DUS3L: variants seen among roughly 807,000 people sequenced by gnomAD.
The protein encoded by DUS3L is dihydrouridine synthase 3 like, also known as tRNA-dihydrouridine(47) synthase [NAD(P)(+)]-like.
In DUS3L, 62 loss-of-function variants were observed where a neutral mutation model predicts 74.6. The observed-to-expected ratio is 0.83, with a 90% CI of 0.68 to 1.03. The LOEUF is 1.03. DUS3L is among the 50% of genes least tolerant of loss of function. DUS3L has a pLI of 0.00. For synonymous variants in DUS3L, 433 were observed against 395.7 expected, an observed-to-expected ratio of 1.09 and a Z score of -1.12; for missense variants, 884 against 924.4, an observed-to-expected ratio of 0.96 and a Z score of 0.57.
intron 5 of DUS3L, 26 bp from the exon 6 acceptor site, chr19:5,787,731 G>A: frequency 6.2e-7 from 1 of 1,608,118 alleles, no homozygotes. Flanking sequence ...GGCAGAACAG[G>A]AGGGTGAGGG....
rs531540150 is a variant in DUS3L at position 5,787,682 on chromosome 19, G to C, written c.1119C>G (p.Thr373=). Residue 373 remains threonine, a synonymous_variant, in exon 6 of 13, where the codon ACC becomes ACG. Transcript: ENST00000309061. ...GVQLEGAFPD[T]MTKCAELLSR... Reference sequence around the variant, plus strand: ...TCAGCAGCTCGGCACACTTGGTCATGGTGTCGGGGAAGGCGCCCTCCAGCT... The same window carrying C: ...TCAGCAGCTCGGCACACTTGGTCATCGTGTCGGGGAAGGCGCCCTCCAGCT... 1.5e-4 allele frequency: 234 copies of C among 1,613,708 alleles called. 3 individuals are homozygous for C. In the South Asian group the frequency reaches 2.4e-3, roughly 17 times the overall value.
In DUS3L at chr19:5,791,048, G is replaced by T; in HGVS notation, c.94C>A (p.Arg32Ser). Residue 32 changes from arginine to serine, a missense_variant, in exon 1 of 13, where the codon CGT becomes AGT. Physicochemically the swap from Arg to Ser is moderately radical, Grantham distance 110. Coordinates refer to ENST00000309061, the MANE Select transcript of DUS3L (RefSeq NM_020175.3). ...ALERGVAPIK[R>S]QYLTTKEQFH... ...CCTCCTGCCCCGGCGACTCACTGAC[G>T]CTTAATGGGCGCCACTCCTCGTTCC... The T allele has an allele frequency of 6.2e-7, 1 of 1,601,048 alleles. No individual in the cohort carries two copies. Among genetic ancestry groups the T allele is most frequent in the Non-Finnish European group, 8.5e-7 (1 of 1,174,268 alleles).
At position 5,785,269 on chromosome 19, in the gene DUS3L, C is replaced by G. The variant is rs1485153512; in HGVS notation, c.1887G>C (p.Met629Ile). 1 of 1,611,102 alleles carries G rather than the reference C, an allele frequency of 6.2e-7. No individual in the cohort carries two copies. Among genetic ancestry groups the G allele is most frequent in the African/African-American group, 1.3e-5 (1 of 74,920 alleles). ...KAADWIRISE[M>I]LLGPVPPSFA... is the part of the protein sequence containing the mutation. ...AGCTGGGGGGCACTGGCCCAAGGAG[C>G]ATCTCGCTGTGGGAGAGCAGGTGGA... Residue 629 changes from methionine to isoleucine, a missense_variant, in exon 13 of 13, where the codon ATG (methionine) becomes ATC (isoleucine). By Grantham distance (10) the Met-to-Ile change is conservative. Transcript: ENST00000309061.
rs576895643 is a variant in DUS3L at position 5,787,030 on chromosome 19, G to A, written c.1389+31C>T. On this transcript the variant is annotated intron_variant, in intron 8 of 12. Transcript: ENST00000309061. ...GAAGGGACGCGGGGTCGACCGCGAG[G>A]CCCCAATGCCCGAGGCGTCCCAAGA... The A allele has an allele frequency of 4.0e-6, 6 of 1,514,206 alleles. No individual in the cohort carries two copies. The Admixed American group carries it at 6.1e-5, about 16-fold the overall frequency. The allele number at this position is 1,514,206 out of a possible 1,614,324, so 93.8% of individuals were successfully genotyped here.
intron 3 of DUS3L, among the ~76,000 whole-genome samples, chr19:5,788,705 CTTTTTT>C (rs942516959): frequency 1.3e-4 from 16 of 127,700 alleles, no homozygotes; most frequent in African/African-American, 4.7e-4. Flanking sequence ...GTGTCCAGCT[CTTTTTT>C]TTTTTTTTTT....
chr19:5,790,349 G>C lies in DUS3L; in HGVS notation c.99-14C>G, dbSNP rs773911212. 7 of 1,613,664 alleles carry C rather than the reference G, an allele frequency of 4.3e-6. No homozygotes were observed. The highest frequency in any genetic ancestry group is 5.9e-6 in the Non-Finnish European group (7 of 1,179,802). ...GTGGTGAGGTATCTGCCGACAGAAA[G>C]GGAAAGGAAAACCCTCCGAACATAG... On this transcript the variant is annotated splice_polypyrimidine_tract_variant and intron_variant, in intron 1 of 12. Transcript: ENST00000309061.
Position 5,790,203 on chromosome 19 carries a change from C to A in DUS3L, c.231G>T (p.Leu77=). The A allele has an allele frequency of 6.2e-7, 1 of 1,614,194 alleles. No individual in the cohort carries two copies. Among genetic ancestry groups the A allele is most frequent in the Non-Finnish European group, 8.5e-7 (1 of 1,180,046 alleles). The change falls in exon 2 of 13, where the codon CTG becomes CTT. Residue 77 remains leucine (L), a synonymous_variant. Transcript: ENST00000309061. ...LAEPEAKRIR[L]EDGQTADGQT... is the part of the protein sequence containing the mutation. ...GCCCGTCCGCCGTCTGTCCATCCTCCAGTCGGATCCGCTTAGCCTCAGGCT... is the reference window on the plus strand; with the variant it reads ...GCCCGTCCGCCGTCTGTCCATCCTCAAGTCGGATCCGCTTAGCCTCAGGCT...
chr19:5,790,742 A>C lies in DUS3L; in HGVS notation c.98+302T>G, dbSNP rs74326663. The C allele has an allele frequency of 8.8e-3, 4,925 of 561,486 alleles. 41 individuals carry two copies. The highest frequency in any genetic ancestry group is 0.012 in the Non-Finnish European group (3,909 of 315,402). 34.8% of individuals were successfully genotyped at this position (561,486 alleles called of 1,614,324 possible). A position where few individuals can be genotyped will look rare whatever the true frequency, so the allele number is the denominator to read the frequency against. On this transcript the variant is annotated intron_variant, in intron 1 of 12. Coordinates refer to ENST00000309061, the MANE Select transcript of DUS3L (RefSeq NM_020175.3). The stretch of plus-strand genomic sequence containing the variant: ...AGACCCGCCAGTAACGGCCGCTGGC[A>C]GAGCACATGCGCCGTACGTCCATAT...
At chr19:5,789,810 G>A in intron 2 of DUS3L, 91 bp from the exon 3 acceptor site, 2 of 1,496,910 alleles carry the variant, frequency 1.3e-6, no homozygotes, top group Non-Finnish European at 1.8e-6. Flanking sequence ...ACCCCTCCTG[G>A]CTCTTGTGTC....
chr19:5,790,883 T>C (rs1351106303), intron 1 of DUS3L, 161 bp downstream of exon 1: 5 of 681,242 alleles, frequency 7.3e-6, no homozygotes, highest in Non-Finnish European at 1.3e-5. Flanking sequence ...CGATCTCAGG[T>C]ACCTCCGCTG....
rs1393867063 is a variant in DUS3L at position 5,786,499 on chromosome 19, C to T, written c.1530G>A (p.Met510Ile). The change falls in exon 10 of 13, where the codon ATG becomes ATA. Residue 510 changes from methionine (M) to isoleucine (I), a missense_variant. Coordinates refer to ENST00000309061, the MANE Select transcript of DUS3L (RefSeq NM_020175.3). Reference sequence around the variant, plus strand: ...TCATGATCCCGGTGACACCAGTCTGCATGGCGCGGTTGGCATCCTCAAATG... The same window carrying T: ...TCATGATCCCGGTGACACCAGTCTGTATGGCGCGGTTGGCATCCTCAAATG... Reference protein sequence around the residue: ...ILSFEDANRAMQTGVTGIMIA... With the variant: ...ILSFEDANRAIQTGVTGIMIA... The T allele has an allele frequency of 6.2e-7, 1 of 1,613,118 alleles. No individual in the cohort carries two copies. The highest frequency in any genetic ancestry group is 1.3e-5 in the African/African-American group (1 of 75,060).
Position 5,790,341 on chromosome 19 carries a change from G to C in DUS3L, c.99-6C>G. ...GCTCCTTGGTGGTGAGGTATCTGCC[G>C]ACAGAAAGGGAAAGGAAAACCCTCC... is the stretch of plus-strand genomic sequence containing the variant. On this transcript the variant is annotated splice_polypyrimidine_tract_variant and splice_region_variant and intron_variant, in intron 1 of 12. Coordinates refer to ENST00000309061, the MANE Select transcript of DUS3L (RefSeq NM_020175.3). The C allele has an allele frequency of 6.2e-7, 1 of 1,613,724 alleles. No individual in the cohort carries two copies. Among genetic ancestry groups the C allele is most frequent in the Non-Finnish European group, 8.5e-7 (1 of 1,179,816 alleles).
Position 5,790,205 on chromosome 19 carries a change from G to C in DUS3L, c.229C>G (p.Leu77Val), listed in dbSNP as rs146556140. The change falls in exon 2 of 13, where the codon CTG becomes GTG. Residue 77 changes from leucine (L) to valine (V), a missense_variant. Physicochemically the swap from Leu to Val is conservative, Grantham distance 32. Coordinates refer to ENST00000309061, the MANE Select transcript of DUS3L (RefSeq NM_020175.3). ...CCGTCCGCCGTCTGTCCATCCTCCA[G>C]TCGGATCCGCTTAGCCTCAGGCTCA... ...LAEPEAKRIR[L>V]EDGQTADGQT... 293 of 1,614,134 alleles carry C rather than the reference G, an allele frequency of 1.8e-4. No individual in the cohort carries two copies. The highest frequency in any genetic ancestry group is 2.8e-4 in the Admixed American group (17 of 60,010).
At chr19:5,789,070 G>T in intron 3 of DUS3L, 137 bp downstream of exon 3, 1 of 1,289,008 alleles carries the variant, frequency 7.8e-7, no homozygotes, top group Non-Finnish European at 1.0e-6. Flanking sequence ...CAGAGAGGGA[G>T]ACTCAGCCAG....
intron 5 of DUS3L, 143 bp downstream of exon 5, chr19:5,787,881 C>T (rs1377272275): frequency 1.4e-6 from 2 of 1,453,226 alleles, no homozygotes; most frequent in East Asian, 2.4e-5. Flanking sequence ...CCATCAGCCC[C>T]CAGAGGTGGA....
At position 5,787,630 on chromosome 19, in the gene DUS3L, CCA is replaced by C. The variant is rs750819171; in HGVS notation, c.1169_1170del (p.Val390GlyfsTer114). On this transcript the variant is annotated frameshift_variant, in exon 6 of 13. Transcript: ENST00000309061. LOFTEE classifies it high-confidence loss of function. ...LLSRTVEVDF[V>X]DINVGCPIDL... ...TCGATGGGGCAGCCGACGTTGATGT[CCA>C]CAAAGTCCACCTCCACGGTGCGGCT... 1 of 1,613,858 alleles carries C rather than the reference CCA, an allele frequency of 6.2e-7. No individual in the cohort carries two copies. Among genetic ancestry groups the C allele is most frequent in the Non-Finnish European group, 8.5e-7 (1 of 1,179,984 alleles).
At position 5,791,136 on chromosome 19, in the gene DUS3L, C is replaced by T. The variant is rs756850806; in HGVS notation, c.6G>A (p.Ala2=). The stretch of plus-strand genomic sequence containing the variant: ...CTAGAGGAGCCTCCGCCGTTCCCTC[C>T]GCCATCGGCGCCCCTCACATCCGCT... M[A]EGTAEAPLEN... is the part of the protein sequence containing the mutation. The change falls in exon 1 of 13, where the codon GCG becomes GCA. Residue 2 remains alanine, a synonymous_variant. Coordinates refer to ENST00000309061, the MANE Select transcript of DUS3L (RefSeq NM_020175.3). 2 of 1,604,174 alleles carry T rather than the reference C, an allele frequency of 1.2e-6. No individual in the cohort carries two copies. Among genetic ancestry groups the T allele is most frequent in the South Asian group, 1.1e-5 (1 of 89,062 alleles).
rs756991246 is a variant in DUS3L, at chr19:5,790,189, G to A, written c.245C>T (p.Thr82Met). Residue 82 changes from threonine (T) to methionine (M), a missense_variant, in exon 2 of 13, where the codon ACG becomes ATG. Physicochemically the swap from Thr to Met is moderately conservative, Grantham distance 81. Coordinates refer to ENST00000309061, the MANE Select transcript of DUS3L (RefSeq NM_020175.3). ...AKRIRLEDGQTADGQTEEAAE... is the reference protein window; with the variant it reads ...AKRIRLEDGQMADGQTEEAAE... ...TGCCTCCTCCGTCTGCCCGTCCGCCGTCTGTCCATCCTCCAGTCGGATCCG... is the reference window on the plus strand; with the variant it reads ...TGCCTCCTCCGTCTGCCCGTCCGCCATCTGTCCATCCTCCAGTCGGATCCG... The A allele has an allele frequency of 4.3e-6, 7 of 1,614,112 alleles. No individual in the cohort carries two copies. The highest frequency in any genetic ancestry group is 3.3e-5 in the Admixed American group (2 of 60,006).
chr19:5,787,062 G>GT lies in DUS3L; in HGVS notation c.1387dup (p.Thr463AsnfsTer42), dbSNP rs747418320. The GT allele has an allele frequency of 6.5e-7, 1 of 1,545,698 alleles. No individual in the cohort carries two copies. The highest frequency in any genetic ancestry group is 1.2e-5 in the South Asian group (1 of 84,524). On this transcript the variant is annotated frameshift_variant and splice_region_variant, in exon 8 of 13. Coordinates refer to ENST00000309061, the MANE Select transcript of DUS3L (RefSeq NM_020175.3). LOFTEE classifies it high-confidence loss of function. ...TGCCCGAGGCGTCCCAAGACCCACC[G>GT]TGACGAGTGCCACGCCCCAGTCCCG...
Sources: allele counts gnomAD v4.1 joint callset (sites outside exome capture counted in the v4.1 genomes callset), GRCh38; gene constraint gnomAD v4.1.1; transcripts MANE v1.5; gene names NCBI Gene and HGNC (gene_info 2026-07-23, HGNC 2026-07-21).